TJAP1: variants seen among roughly 807,000 people sequenced by gnomAD.
The protein encoded by TJAP1 is tight junction associated protein 1, also known as tight junction-associated protein 1.
Under a neutral mutation model 42.0 loss-of-function variants are expected in TJAP1, and 27 were observed. That is an observed-to-expected ratio of 0.64 (90% CI 0.47 to 0.89). The LOEUF (loss-of-function observed/expected upper bound fraction) is 0.89. TJAP1 is among the 40% of genes least tolerant of loss of function. The probability of loss-of-function intolerance (pLI) is 0.00; values close to 1 mark genes in which losing one functional copy is unlikely to be tolerated. For synonymous variants in TJAP1, 257 were observed against 288.4 expected, an observed-to-expected ratio of 0.89 and a Z score of 1.10; for missense variants, 712 against 726.9, an observed-to-expected ratio of 0.98 and a Z score of 0.24.
At chr6:43,494,640 T>C (rs759134771) in intron 2 of TJAP1, among the ~76,000 whole-genome samples, 74 of 149,962 alleles carry the variant, frequency 4.9e-4, no homozygotes, top group Non-Finnish European at 8.4e-4. Context: ...TTCTTCCTTG[T>C]TGATTTCCTT....
At chr6:43,503,531 G>A (rs1791455901) in intron 9 of TJAP1, 23 bp downstream of exon 9, 2 of 1,612,046 alleles carry the variant, frequency 1.2e-6, no homozygotes, top group African/African-American at 1.3e-5. Flanking sequence ...CACTACTCGG[G>A]CCTTCCTCAC....
At position 43,505,600 on chromosome 6, in the gene TJAP1, A is replaced by G; in HGVS notation, c.1419A>G (p.Thr473=). 1 of 1,613,612 alleles carries G rather than the reference A, an allele frequency of 6.2e-7. No homozygotes were observed. Among genetic ancestry groups the G allele is most frequent in the Non-Finnish European group, 8.5e-7 (1 of 1,180,032 alleles). The change falls in exon 11 of 11, where the codon ACA becomes ACG. Residue 473 remains threonine, a synonymous_variant. Coordinates refer to ENST00000372449, the Ensembl canonical transcript of TJAP1. The surrounding 1 kb of genome is among the most constrained non-coding windows in gnomAD (Gnocchi z 5.5). The stretch of plus-strand genomic sequence containing the variant: ...AAGAGAGTGAGCTTTTGCTACCCAC[A>G]GAACCTGACTCTGGCTTTCCCAGGG...
At position 43,500,874 on chromosome 6, in the gene TJAP1, AAATAAAGGTTGG is replaced by A; in HGVS notation, c.128+103_128+114del. On this transcript the variant is annotated intron_variant, in intron 5 of 10. Transcript: ENST00000372449. ...TTGGACTTTCCCTTGGATTAGGTAG[AAATAAAGGTTGG>A]GATGGGTTGTTTTAGGGACTCTGGG... 3.5e-6 allele frequency: 5 copies of A among 1,429,074 alleles called. No homozygotes were observed. The South Asian group carries it at 5.8e-5, about 16-fold the overall frequency. 88.5% of individuals were successfully genotyped at this position (1,429,074 alleles called of 1,614,324 possible). A position where few individuals can be genotyped will look rare whatever the true frequency, so the allele number is the denominator to read the frequency against.
chr6:43,502,743 T>G, intron 8 of TJAP1, 126 bp downstream of exon 8: 1 of 1,091,364 alleles, frequency 9.2e-7, no homozygotes, highest in Non-Finnish European at 1.4e-6. Flanking sequence ...CTTCCCTGTA[T>G]GAGGCCCGTT....
intron 2 of TJAP1, 62 bp downstream of exon 2, chr6:43,478,294 G>A (rs1024987912): frequency 2.0e-5 from 3 of 152,246 alleles, no homozygotes; most frequent in African/African-American, 7.2e-5. Context: ...GGATGCATGG[G>A]CTTAGAGTGA....
intron 4 of TJAP1, 108 bp downstream of exon 4, chr6:43,499,208 G>T: frequency 6.5e-7 from 1 of 1,530,100 alleles, no homozygotes; most frequent in Non-Finnish European, 8.8e-7. Context: ...TGGGGTGAGA[G>T]TGGGCCTTGC....
intron 10 of TJAP1, chr6:43,504,559 A>G (rs1276253536): frequency 2.9e-6 from 2 of 693,898 alleles, no homozygotes; most frequent in African/African-American, 3.6e-5. Context: ...CAAGTTAACC[A>G]AAGCTTTGAG....
chr6:43,490,220 T>A (rs909319291), intron 2 of TJAP1, among the ~76,000 whole-genome samples: 1 of 152,244 alleles, frequency 6.6e-6, no homozygotes, highest in Non-Finnish European at 1.5e-5. Flanking sequence ...ATGTGCCCCC[T>A]TCACGGCCAC....
At position 43,505,471 on chromosome 6, in the gene TJAP1, G is replaced by T. The variant is rs769742351; in HGVS notation, c.1290G>T (p.Gln430His). 2 of 1,613,584 alleles carry T rather than the reference G, an allele frequency of 1.2e-6. No homozygotes were observed. Among genetic ancestry groups the T allele is most frequent in the East Asian group, 4.5e-5 (2 of 44,876 alleles). The change falls in exon 11 of 11, where the codon CAG (glutamine) becomes CAT (histidine). Residue 430 changes from glutamine to histidine, a missense_variant. By Grantham distance (24) the Gln-to-His change is conservative (BLOSUM62 0). Coordinates refer to ENST00000372449, the Ensembl canonical transcript of TJAP1. This position sits in a 1 kb window ranked among gnomAD's most constrained non-coding sequence, Gnocchi z 5.5. ...CTCCACCACCTGCTGCTGTGGCCCAGCGCACAGCCTTTGGACGCGATGCCC... is the reference window on the plus strand; with the variant it reads ...CTCCACCACCTGCTGCTGTGGCCCATCGCACAGCCTTTGGACGCGATGCCC...
Position 43,492,041 on chromosome 6 carries a change from G to A in TJAP1, c.-121-5840G>A, listed in dbSNP as rs1190844815. On this transcript the variant is annotated intron_variant, in intron 2 of 10. Coordinates refer to ENST00000372449, the Ensembl canonical transcript of TJAP1. The surrounding 1 kb of genome is among the most constrained non-coding windows in gnomAD (Gnocchi z 4.2). Reference sequence around the variant, plus strand: ...TGTCAAATGCAGGCTATGACCTTGGGGATTTCTTGCCCTCTTTTTTTGCAG... The same window carrying A: ...TGTCAAATGCAGGCTATGACCTTGGAGATTTCTTGCCCTCTTTTTTTGCAG... Among the ~76,000 whole-genome samples, 1 of 152,178 alleles carries A rather than the reference G, an allele frequency of 6.6e-6. No homozygotes were observed. The highest frequency in any genetic ancestry group is 1.5e-5 in the Non-Finnish European group (1 of 68,038).
intron 2 of TJAP1, among the ~76,000 whole-genome samples, chr6:43,481,732 GCCC>G (rs1438304783): frequency 2.0e-5 from 3 of 152,182 alleles, no homozygotes; most frequent in African/African-American, 7.2e-5. Flanking sequence ...CAGGCAGGAG[GCCC>G]AGTGTAGCCT....
intron 5 of TJAP1, 103 bp downstream of exon 5, chr6:43,500,875 A>G (rs1790371512): frequency 4.2e-6 from 6 of 1,426,564 alleles, no homozygotes; most frequent in Non-Finnish European, 5.9e-6. Context: ...ATTAGGTAGA[A>G]ATAAAGGTTG....
At chr6:43,488,821 G>T (rs17287935) in intron 2 of TJAP1, among the ~76,000 whole-genome samples, 2,803 of 152,222 alleles carry the variant, frequency 0.018, 35 homozygotes, top group South Asian at 0.039. Context: ...GTCAGGCCTT[G>T]GCCTATTTGA....
At chr6:43,500,390 C>T (rs1208258748) in intron 4 of TJAP1, among the ~76,000 whole-genome samples, 2 of 152,190 alleles carry the variant, frequency 1.3e-5, no homozygotes, top group Non-Finnish European at 2.9e-5. Flanking sequence ...AAGGTCTCTG[C>T]CATACCTCTG....
chr6:43,505,489 C>T lies in TJAP1; in HGVS notation c.1308C>T (p.Arg436=), dbSNP rs61745290. ...TGGCCCAGCGCACAGCCTTTGGACG[C>T]GATGCCCTCCCTGAGCTGCAGCGCC... Residue 436 remains arginine (R), a synonymous_variant, in exon 11 of 11, where the codon CGC becomes CGT. Transcript: ENST00000372449. The surrounding 1 kb of genome is among the most constrained non-coding windows in gnomAD (Gnocchi z 5.5). 2.4e-3 allele frequency: 3,913 copies of T among 1,613,770 alleles called. 84 individuals carry two copies. The African/African-American group carries it at 0.046, about 19-fold the overall frequency.
exon 11 of TJAP1, chr6:43,506,347 G>A (rs1323573072): frequency 6.5e-6 from 1 of 152,890 alleles, no homozygotes; most frequent in Non-Finnish European, 1.5e-5. Flanking sequence ...GCTGGCCTTG[G>A]GGACGAGGGA....
chr6:43,500,710 A>G, intron 4 of TJAP1, 34 bp from the exon 5 acceptor site: 7 of 1,614,052 alleles, frequency 4.3e-6, no homozygotes, highest in Non-Finnish European at 5.9e-6. Context: ...CCAGTGGTCC[A>G]GAGCTGAGCC....
In TJAP1 at chr6:43,505,465, G is replaced by A. The variant is rs759510379; in HGVS notation, c.1284G>A (p.Val428=). The A allele has an allele frequency of 8.1e-6, 13 of 1,613,408 alleles. No individual in the cohort carries two copies. Among genetic ancestry groups the A allele is most frequent in the Non-Finnish European group, 1.0e-5 (12 of 1,180,038 alleles). The change falls in exon 11 of 11, where the codon GTG becomes GTA. Residue 428 remains valine, a synonymous_variant. Transcript: ENST00000372449. The surrounding 1 kb of genome is among the most constrained non-coding windows in gnomAD (Gnocchi z 5.5). ...ACCGTACTCCACCACCTGCTGCTGT[G>A]GCCCAGCGCACAGCCTTTGGACGCG... is the stretch of plus-strand genomic sequence containing the variant.
chr6:43,484,077 A>G (rs891047076), intron 2 of TJAP1, among the ~76,000 whole-genome samples: 1 of 150,684 alleles, frequency 6.6e-6, no homozygotes, highest in South Asian at 2.1e-4. Context: ...TAAAAAAATT[A>G]AAAACAAAAA....
Sources: gnomAD v4.1 joint callset for allele counts (sites outside exome capture counted in the v4.1 genomes callset) on GRCh38, gnomAD v4.1.1 for gene constraint, Gnocchi (gnomAD v3.1) non-coding constraint, MANE v1.5 for transcripts, NCBI Gene and HGNC (gene_info 2026-07-23, HGNC 2026-07-21) for gene names.